The following COL11A1 variants were observed in gnomAD, a reference collection of about 807,000 sequenced individuals.
COL11A1 encodes the protein collagen alpha-1(XI) chain.
A neutral mutation model predicts 265.2 loss-of-function variants in COL11A1; 74 were observed. That is an observed-to-expected ratio of 0.28 (90% CI 0.23 to 0.34). The LOEUF (loss-of-function observed/expected upper bound fraction) is 0.34, where lower values mean the gene tolerates loss of function less well. Ranked by LOEUF, COL11A1 falls within the 10% of genes least tolerant of loss-of-function variation. The pLI, the probability that COL11A1 is intolerant of heterozygous loss-of-function variation, is 1.00. For synonymous variants in COL11A1, 816 were observed against 727.6 expected (o/e 1.12, Z -1.96); for missense variants, 2,165 against 2,263.6 (o/e 0.96, Z 0.88).
intron 52 of COL11A1, 140 bp from the exon 53 acceptor site, chr1:102,913,830 C>T: frequency 2.4e-6 from 2 of 825,512 alleles, no homozygotes; most frequent in Non-Finnish European, 4.0e-6. Flanking sequence ...TTCTTTTAAC[C>T]TTTTTTAAAA....
chr1:103,107,317 C>G (rs1316742749), intron 1 of COL11A1, among the ~76,000 whole-genome samples: 1 of 151,844 alleles, frequency 6.6e-6, no homozygotes, highest in East Asian at 1.9e-4. Flanking sequence ...CGCCCCCACC[C>G]CATTTGCTTG....
At chr1:102,970,652 G>A (rs1040122938) in intron 36 of COL11A1, among the ~76,000 whole-genome samples, 6 of 151,962 alleles carry the variant, frequency 3.9e-5, no homozygotes, top group Non-Finnish European at 7.4e-5. Flanking sequence ...TCAATTCCCG[G>A]TGCATCAAAA....
intron 10 of COL11A1, among the ~76,000 whole-genome samples, 158 bp downstream of exon 10, chr1:103,018,660 T>A (rs186832415): frequency 1.3e-5 from 2 of 152,118 alleles, no homozygotes; most frequent in Admixed American, 6.6e-5. Context: ...GATAGACAAA[T>A]CAGAAGGCAG....
intron 28 of COL11A1, among the ~76,000 whole-genome samples, chr1:102,991,932 A>G (rs1404390708): frequency 6.6e-6 from 1 of 151,866 alleles, no homozygotes; most frequent in Non-Finnish European, 1.5e-5. Flanking sequence ...CAGAGGCTTA[A>G]GAGCTGTAAA....
chr1:103,045,462 T>C (rs950279843), intron 4 of COL11A1, among the ~76,000 whole-genome samples: 1 of 152,072 alleles, frequency 6.6e-6, no homozygotes, highest in Non-Finnish European at 1.5e-5. Flanking sequence ...TAATAGACAA[T>C]ACTTAGTTGG....
rs779346604 is a variant in COL11A1, at chr1:103,025,598, C to A, written c.913G>T (p.Asp305Tyr). The A allele has an allele frequency of 4.5e-5, 73 of 1,613,436 alleles. No homozygotes were observed. The highest frequency in any genetic ancestry group is 5.6e-5 in the Non-Finnish European group (66 of 1,179,710). ...GTTCCATAGTTGTATTCTTGAAAAT[C>A]ATCAACGATGTTTGCCTAATGGTAA... ...IAQTEANIVD[D>Y]FQEYNYGTME... is the part of the protein sequence containing the mutation. Residue 305 changes from aspartate to tyrosine, a missense_variant, in exon 7 of 67, where the codon GAT (aspartate) becomes TAT (tyrosine). By Grantham distance (160) the Asp-to-Tyr change is radical. Transcript: ENST00000370096.
intron 2 of COL11A1, among the ~76,000 whole-genome samples, chr1:103,081,199 T>G (rs952824138): frequency 6.6e-6 from 1 of 151,880 alleles, no homozygotes; most frequent in Non-Finnish European, 1.5e-5. Context: ...ATTAATGATT[T>G]TAAGTAACTA....
rs771270317 is a variant in COL11A1 at position 102,978,767 on chromosome 1, A to G, written c.2710-15T>C. ...CCTGAAGTGCCCTGGCACCAAGAAA[A>G]GAAAAGAAAAATCAGTTTGAATTCT... On this transcript the variant is annotated splice_polypyrimidine_tract_variant and intron_variant, in intron 34 of 66. Coordinates refer to ENST00000370096, the MANE Select transcript of COL11A1 (RefSeq NM_001854.4). 1.2e-6 allele frequency: 2 copies of G among 1,614,060 alleles called. No homozygotes were observed. The highest frequency in any genetic ancestry group is 1.7e-6 in the Non-Finnish European group (2 of 1,180,026).
At chr1:103,078,973 A>G in intron 2 of COL11A1, 102 bp from the exon 3 acceptor site, 1 of 784,596 alleles carries the variant, frequency 1.3e-6, no homozygotes, top group South Asian at 1.5e-5. Flanking sequence ...GGCCTTTATA[A>G]ATCAACTAAC....
In COL11A1 at chr1:102,906,698, C is replaced by T. The variant is rs139552594; in HGVS notation, c.4086+5461G>A. 3.1e-3 allele frequency among the ~76,000 whole-genome samples: 467 copies of T among 151,916 alleles called. 1 individual carries two copies. Among genetic ancestry groups the T allele is most frequent in the Non-Finnish European group, 4.6e-3 (315 of 67,904 alleles). ...TACAGGTGTCAGCCACTGCACTTGA[C>T]CTGTGTTTCCATTTTTTTTTTCTTT... is the stretch of plus-strand genomic sequence containing the variant. On this transcript the variant is annotated intron_variant, in intron 54 of 66. Transcript: ENST00000370096.
At chr1:103,026,014 C>T (rs1158306114) in intron 6 of COL11A1, 1 of 1,535,094 alleles carries the variant, frequency 6.5e-7, no homozygotes, top group Non-Finnish European at 9.0e-7. Context: ...AAATATAGAG[C>T]ACAGATGAAA....
intron 15 of COL11A1, 37 bp downstream of exon 15, chr1:103,008,426 C>T (rs776520952): frequency 1.3e-5 from 20 of 1,557,434 alleles, no homozygotes; most frequent in African/African-American, 1.4e-5. Context: ...ATCAAAGAAG[C>T]CAGTCAAGAA....
chr1:102,909,902 A>T (rs1278584371), intron 54 of COL11A1, among the ~76,000 whole-genome samples: 1 of 136,734 alleles, frequency 7.3e-6, no homozygotes, highest in East Asian at 1.9e-4. Flanking sequence ...TTTTAAAAAT[A>T]TGTTATAATA....
intron 54 of COL11A1, 112 bp downstream of exon 54, chr1:102,912,044 TATG>T: frequency 2.3e-6 from 2 of 865,402 alleles, no homozygotes; most frequent in Non-Finnish European, 3.6e-6. Context: ...TTTTAGGATT[TATG>T]ATATTTCTCA....
intron 7 of COL11A1, 118 bp from the exon 8 acceptor site, chr1:103,023,114 A>T (rs1434548227): frequency 2.0e-6 from 2 of 1,020,110 alleles, no homozygotes; most frequent in African/African-American, 1.6e-5. Flanking sequence ...TTACTACTCA[A>T]GCAACTCTAA....
chr1:103,101,336 A>G (rs1315895073), intron 1 of COL11A1, among the ~76,000 whole-genome samples: 1 of 152,016 alleles, frequency 6.6e-6, no homozygotes, highest in Non-Finnish European at 1.5e-5. Flanking sequence ...AACAGTCAGC[A>G]GTAGGTTGAG....
chr1:103,067,532 C>A (rs1056830521), intron 4 of COL11A1, among the ~76,000 whole-genome samples: 1 of 151,626 alleles, frequency 6.6e-6, no homozygotes. Context: ...GGGAAAAAAG[C>A]AAATCTCGAA....
At chr1:103,021,348 A>G (rs1389624742) in intron 9 of COL11A1, among the ~76,000 whole-genome samples, 1 of 152,114 alleles carries the variant, frequency 6.6e-6, no homozygotes, top group Non-Finnish European at 1.5e-5. Flanking sequence ...ATATCATTGG[A>G]TTGGAAAGTA....
chr1:103,043,020 TATATGATATATATTAAATAC>T (rs1197774298), intron 4 of COL11A1, among the ~76,000 whole-genome samples: 1 of 147,212 alleles, frequency 6.8e-6, no homozygotes, highest in Non-Finnish European at 1.5e-5. Flanking sequence ...ATATGAAATA[TATATGATATATATTAAATAC>T]ATCATATATA....
Sources: gnomAD v4.1 joint callset for allele counts (sites outside exome capture counted in the v4.1 genomes callset) on GRCh38, gnomAD v4.1.1 for gene constraint, MANE v1.5 for transcripts, NCBI Gene and HGNC (gene_info 2026-07-23, HGNC 2026-07-21) for gene names.